MAPT: variants seen among roughly 807,000 people sequenced by gnomAD.
The protein encoded by MAPT is microtubule associated protein tau.
MAPT carries 34 observed loss-of-function variants against 67.9 expected under a neutral mutation model. The observed-to-expected ratio is 0.50, with a 90% CI of 0.38 to 0.67. MAPT has a LOEUF of 0.67. MAPT is among the 30% of genes least tolerant of loss of function. The probability of loss-of-function intolerance (pLI) is 0.00; values close to 1 mark genes in which losing one functional copy is unlikely to be tolerated. For synonymous variants in MAPT, 456 were observed against 464.5 expected (o/e 0.98, Z 0.23); for missense variants, 881 against 1,115.2 (o/e 0.79, Z 2.99).
intron 9 of MAPT, among the ~76,000 whole-genome samples, chr17:46,004,703 A>G (rs2075286303): frequency 6.6e-6 from 1 of 152,184 alleles, no homozygotes; most frequent in African/African-American, 2.4e-5. Flanking sequence ...CTATTGTAAA[A>G]TCTCACAAAG....
chr17:45,910,086 G>A (rs974760198), intron 1 of MAPT, among the ~76,000 whole-genome samples: 17 of 152,064 alleles, frequency 1.1e-4, no homozygotes, highest in Admixed American at 5.9e-4. Flanking sequence ...TTGTTATTTG[G>A]ATGTCAACCT....
intron 1 of MAPT, among the ~76,000 whole-genome samples, chr17:45,918,084 A>C (rs1346888248): frequency 6.6e-6 from 1 of 151,982 alleles, no homozygotes; most frequent in Non-Finnish European, 1.5e-5. Flanking sequence ...AGCATCTTTC[A>C]TTTTTCTGTC....
intron 6 of MAPT, among the ~76,000 whole-genome samples, chr17:45,988,634 T>A (rs983780929): frequency 1.3e-5 from 2 of 151,888 alleles, no homozygotes. Context: ...GAAAAAGAGA[T>A]AACATTGGAG....
chr17:45,916,302 A>G (rs2065201721), intron 1 of MAPT, among the ~76,000 whole-genome samples: 1 of 152,234 alleles, frequency 6.6e-6, no homozygotes, highest in South Asian at 2.1e-4. Flanking sequence ...TGCTCTGCAG[A>G]GGGCGGGTGG....
chr17:46,009,595 G>GTT, intron 9 of MAPT, among the ~76,000 whole-genome samples: 1 of 112,796 alleles, frequency 8.9e-6, no homozygotes, highest in Non-Finnish European at 2.4e-5. Flanking sequence ...GAAGGAGAAG[G>GTT]CACAGCCCCC....
intron 1 of MAPT, among the ~76,000 whole-genome samples, chr17:45,924,380 G>T (rs1431048720): frequency 6.6e-6 from 1 of 152,256 alleles, no homozygotes; most frequent in Non-Finnish European, 1.5e-5. Context: ...ATGACAGGGA[G>T]TGCAGGAGTG....
rs1385525489 is a variant in MAPT, at chr17:45,998,870, G to C, written c.1998+2206G>C. On this transcript the variant is annotated intron_variant, in intron 9 of 12. Coordinates refer to ENST00000262410, the MANE Select transcript of MAPT (RefSeq NM_001377265.1). ...TCATTCTCCAGGGTGCCTGGCCTTG[G>C]TGCTGCCCAAGACCCCAGAGGGGCC... 1.3e-5 allele frequency among the ~76,000 whole-genome samples: 2 copies of C among 151,816 alleles called. 1 individual carries two copies. The highest frequency in any genetic ancestry group is 4.8e-5 in the African/African-American group (2 of 41,316).
intron 6 of MAPT, among the ~76,000 whole-genome samples, chr17:45,987,448 A>G (rs1334208716): frequency 6.6e-6 from 1 of 152,206 alleles, no homozygotes; most frequent in Non-Finnish European, 1.5e-5. Flanking sequence ...CAGTAAATGA[A>G]GCCATCTTCT....
At chr17:45,895,702 G>C (rs2143587087) in intron 1 of MAPT, 1 of 152,374 alleles carries the variant, frequency 6.6e-6, no homozygotes, top group East Asian at 1.9e-4. Context: ...TGTGGACCCT[G>C]GTGGGCGAGG....
chr17:45,959,608 C>G (rs965221897), intron 1 of MAPT, among the ~76,000 whole-genome samples: 1 of 152,096 alleles, frequency 6.6e-6, no homozygotes, highest in African/African-American at 2.4e-5. Flanking sequence ...TGGTGAAACC[C>G]TGTCTCTACT....
At chr17:45,916,387 C>T (rs144067063) in intron 1 of MAPT, among the ~76,000 whole-genome samples, 2,285 of 152,298 alleles carry the variant, frequency 0.015, 52 homozygotes, top group African/African-American at 0.051. Flanking sequence ...AAGGATCACT[C>T]TGCTTGCAGA....
chr17:46,000,493 G>A (rs1443900617), intron 9 of MAPT, among the ~76,000 whole-genome samples: 5 of 152,178 alleles, frequency 3.3e-5, no homozygotes, highest in African/African-American at 7.2e-5. Context: ...CGTAGGCCCC[G>A]CCGATCTTGT....
chr17:45,968,337 C>T (rs960824088), intron 2 of MAPT, among the ~76,000 whole-genome samples: 4 of 152,188 alleles, frequency 2.6e-5, no homozygotes, highest in African/African-American at 9.7e-5. Flanking sequence ...GAGCTCCTCC[C>T]ATCCAGACAT....
At chr17:45,941,696 T>TTCCC (rs1568207835) in intron 1 of MAPT, among the ~76,000 whole-genome samples, 95 of 9,680 alleles carry the variant, frequency 9.8e-3, no homozygotes, top group Non-Finnish European at 0.027. Context: ...CCTTCCTTCC[T>TTCCC]TCCTGCCTGC....
intron 1 of MAPT, among the ~76,000 whole-genome samples, chr17:45,953,166 G>C (rs191176200): frequency 6.6e-6 from 1 of 152,208 alleles, no homozygotes; most frequent in Non-Finnish European, 1.5e-5. Context: ...ATGGCACTGC[G>C]TGACCCTGCA....
intron 1 of MAPT, among the ~76,000 whole-genome samples, chr17:45,920,201 T>TG (rs1408152284): frequency 6.6e-6 from 1 of 152,148 alleles, no homozygotes; most frequent in African/African-American, 2.4e-5. Flanking sequence ...TTCTTTTGTT[T>TG]GGGGGGATGG....
At position 45,987,043 on chromosome 17, in the gene MAPT, G is replaced by C. The variant is rs200710643; in HGVS notation, c.1355G>C (p.Arg452Pro). 6.2e-7 allele frequency: 1 copy of C among 1,613,520 alleles called. No homozygotes were observed. The highest frequency in any genetic ancestry group is 1.7e-5 in the Admixed American group (1 of 59,992). The change falls in exon 6 of 13, where the codon CGC (arginine) becomes CCC (proline). Residue 452 changes from arginine (R) to proline (P), a missense_variant. Arg to Pro is a moderately radical substitution (Grantham distance 103, BLOSUM62 -2). This residue lies in a region of MAPT where 687 missense variants were observed against 766.1 expected (regional missense o/e 0.90). Coordinates refer to ENST00000262410, the MANE Select transcript of MAPT (RefSeq NM_001377265.1). Reference protein sequence around the residue: ...PVSRVPQLKARMVSKSKDGTG... With the variant: ...PVSRVPQLKAPMVSKSKDGTG... ...TTCTTATTTTATATTTTATCAGCTC[G>C]CATGGTCAGTAAAAGCAAAGACGGG...
At chr17:45,927,028 T>C (rs1206083715) in intron 1 of MAPT, among the ~76,000 whole-genome samples, 1 of 151,734 alleles carries the variant, frequency 6.6e-6, no homozygotes, top group African/African-American at 2.4e-5. Flanking sequence ...CATACATACA[T>C]GTATTTTTAT....
intron 9 of MAPT, among the ~76,000 whole-genome samples, chr17:46,005,133 G>A (rs2075323580): frequency 6.6e-6 from 1 of 152,200 alleles, no homozygotes; most frequent in South Asian, 2.1e-4. Flanking sequence ...ATTGCTTAAT[G>A]TCCTTTGATT....
Sources: allele counts gnomAD v4.1 joint callset (sites outside exome capture counted in the v4.1 genomes callset), GRCh38; gene constraint gnomAD v4.1.1; regional missense constraint gnomAD v4.1.1; transcripts MANE v1.5; gene names NCBI Gene and HGNC (gene_info 2026-07-23, HGNC 2026-07-21).